The following STK25 variants were observed in gnomAD, a reference collection of about 807,000 sequenced individuals.
STK25 encodes serine/threonine kinase 25.
A neutral mutation model predicts 53.8 loss-of-function variants in STK25; 29 were observed. That is an observed-to-expected ratio of 0.54 (90% confidence interval 0.40 to 0.74). The LOEUF (loss-of-function observed/expected upper bound fraction) is 0.74, where lower values mean the gene tolerates loss of function less well. Ranked by LOEUF, STK25 falls within the 30% of genes least tolerant of loss-of-function variation. STK25 has a pLI of 0.00. For missense variants in STK25, 420 were observed against 568.0 expected (o/e 0.74, Z 2.65); for synonymous variants, 247 against 238.3 (o/e 1.04, Z -0.33).
intron 2 of STK25, among the ~76,000 whole-genome samples, chr2:241,506,976 G>A (rs1452269322): frequency 6.6e-6 from 1 of 152,148 alleles, no homozygotes; most frequent in African/African-American, 2.4e-5. Flanking sequence ...CGGGTCTCTA[G>A]GCTGGTCCGG....
rs34902004 is a variant in STK25 at position 241,495,387 on chromosome 2, C to T, written c.*275G>A. Reference sequence around the variant, plus strand: ...ACCCAGGCGTAGCTCATGAGGGCCACGCCGGCGGCTGGAGCCCCCGTGAGC... The same window carrying T: ...ACCCAGGCGTAGCTCATGAGGGCCATGCCGGCGGCTGGAGCCCCCGTGAGC... On this transcript the variant is annotated 3_prime_UTR_variant, in exon 12 of 12. Coordinates refer to ENST00000316586, the MANE Select transcript of STK25 (RefSeq NM_001271977.2). The T allele has an allele frequency of 2.8e-5, 13 of 470,180 alleles. No homozygotes were observed. Among genetic ancestry groups the T allele is most frequent in the Non-Finnish European group, 4.6e-5 (12 of 258,560 alleles). 29.1% of individuals were successfully genotyped at this position (470,180 alleles called of 1,614,324 possible).
At chr2:241,500,845 A>C (rs777210252) in intron 3 of STK25, 49 bp from the exon 4 acceptor site, 2 of 1,598,766 alleles carry the variant, frequency 1.3e-6, no homozygotes. Flanking sequence ...GAGGAAGGGC[A>C]TGCTCCAGGG....
chr2:241,508,601 G>A (rs1303912677), upstream of STK25: 2 of 987,782 alleles, frequency 2.0e-6, no homozygotes, highest in East Asian at 1.1e-4. Flanking sequence ...GCGACGGCGA[G>A]GGCGGTGCTC....
rs3771589 is a variant in STK25 at position 241,496,897 on chromosome 2, G to A, written c.1105-363C>T. On this transcript the variant is annotated intron_variant, in intron 10 of 11. Transcript: ENST00000316586. This position sits in a 1 kb window ranked among gnomAD's most constrained non-coding sequence, Gnocchi z 5.8. The stretch of plus-strand genomic sequence containing the variant: ...AAGCCCAGAAACCCCCAAAGCACAC[G>A]GCACCGCCAGGCCCAGATCTGACCT... Among the ~76,000 whole-genome samples, 3 of 152,296 alleles carry A rather than the reference G, an allele frequency of 2.0e-5. No individual in the cohort carries two copies. The highest frequency in any genetic ancestry group is 3.9e-4 in the East Asian group (2 of 5,180).
At chr2:241,506,381 C>A (rs185956874) in intron 2 of STK25, among the ~76,000 whole-genome samples, 1 of 152,252 alleles carries the variant, frequency 6.6e-6, no homozygotes, top group Non-Finnish European at 1.5e-5. Context: ...TGTGTGCGAT[C>A]GCACCAAGAA....
Position 241,499,185 on chromosome 2 carries a change from C to A in STK25, c.586-11G>T. The A allele has an allele frequency of 1.2e-6, 2 of 1,613,820 alleles. No homozygotes were observed. On this transcript the variant is annotated splice_polypyrimidine_tract_variant and intron_variant, in intron 6 of 11. Coordinates refer to ENST00000316586, the MANE Select transcript of STK25 (RefSeq NM_001271977.2). The stretch of plus-strand genomic sequence containing the variant: ...GGACCAGATGTCAGCCTGGACAGAA[C>A]ACAAGGACTGTTGCTGCCCTGAGCA...
In STK25 at chr2:241,492,695, G is replaced by A. The variant is rs2124922658; in HGVS notation, c.*2967C>T. On this transcript the variant is annotated 3_prime_UTR_variant, in exon 12 of 12. Transcript: ENST00000316586. ...TTGGTTACTGAACACTGACTTTATT[G>A]TGCACAGGGAAAGGGAACTCACTTT... 2.0e-6 allele frequency: 1 copy of A among 488,552 alleles called. No individual in the cohort carries two copies. Among genetic ancestry groups the A allele is most frequent in the South Asian group, 2.9e-5 (1 of 34,292 alleles). The allele number at this position is 488,552 out of a possible 1,614,324, so 30.3% of individuals were successfully genotyped here.
rs2065510208 is a variant in STK25 at position 241,501,508 on chromosome 2, G to A, written c.231C>T (p.Tyr77=). The A allele has an allele frequency of 6.2e-7, 1 of 1,614,108 alleles. No homozygotes were observed. The highest frequency in any genetic ancestry group is 8.5e-7 in the Non-Finnish European group (1 of 1,180,032). ...GGTAGGAGCCAAAGTAGCGGGTGAT[G>A]TAGGGGCTGTCGCACTGACTGAGGA... ...ITVLSQCDSP[Y]ITRYFGSYLK... Residue 77 remains tyrosine (Y), a synonymous_variant, in exon 3 of 12, where the codon TAC becomes TAT. Transcript: ENST00000316586. This position sits in a 1 kb window ranked among gnomAD's most constrained non-coding sequence, Gnocchi z 5.3.
Position 241,493,776 on chromosome 2 carries a change from T to C in STK25, c.*1886A>G, listed in dbSNP as rs1475401985. On this transcript the variant is annotated 3_prime_UTR_variant, in exon 12 of 12. Transcript: ENST00000316586. ...GCCGCCTGGCTAATTTTTGTATTTT[T>C]AGTAGAGACAGGGTTTCACCATGTT... The C allele has an allele frequency of 4.2e-6, 2 of 477,470 alleles. No individual in the cohort carries two copies. Among genetic ancestry groups the C allele is most frequent in the African/African-American group, 2.0e-5 (1 of 51,012 alleles). 29.6% of individuals were successfully genotyped at this position (477,470 alleles called of 1,614,324 possible).
chr2:241,501,779 C>A lies in STK25; in HGVS notation c.31-71G>T. On this transcript the variant is annotated intron_variant, in intron 2 of 11. Transcript: ENST00000316586. This position sits in a 1 kb window ranked among gnomAD's most constrained non-coding sequence, Gnocchi z 5.3. The stretch of plus-strand genomic sequence containing the variant: ...AGAGGCGGGGGACAGGCAGAGGCTG[C>A]CCTGCTGGGGAGGAAGGGACCTGTA... 8.1e-7 allele frequency: 1 copy of A among 1,230,202 alleles called. No homozygotes were observed. The highest frequency in any genetic ancestry group is 1.2e-6 in the Non-Finnish European group (1 of 856,708). The allele number at this position is 1,230,202 out of a possible 1,614,324, so 76.2% of individuals were successfully genotyped here.
At chr2:241,505,709 C>T (rs2065781722) in intron 2 of STK25, among the ~76,000 whole-genome samples, 2 of 152,194 alleles carry the variant, frequency 1.3e-5, no homozygotes, top group Non-Finnish European at 2.9e-5. Flanking sequence ...AGCCAGGGCT[C>T]ATCAGCCCAA....
chr2:241,493,794 A>C lies in STK25; in HGVS notation c.*1868T>G. 2 of 492,790 alleles carry C rather than the reference A, an allele frequency of 4.1e-6. No homozygotes were observed. Among genetic ancestry groups the C allele is most frequent in the Non-Finnish European group, 7.2e-6 (2 of 276,322 alleles). The allele number at this position is 492,790 out of a possible 1,614,324, so 30.5% of individuals were successfully genotyped here. The stretch of plus-strand genomic sequence containing the variant: ...GTATTTTTAGTAGAGACAGGGTTTC[A>C]CCATGTTGGCCAGGCTGGTCTCGAA... On this transcript the variant is annotated 3_prime_UTR_variant, in exon 12 of 12. Transcript: ENST00000316586.
chr2:241,498,477 A>T, intron 8 of STK25, 128 bp from the exon 9 acceptor site: 2 of 1,238,068 alleles, frequency 1.6e-6, no homozygotes, highest in Non-Finnish European at 2.2e-6. Context: ...CACGGGGTCC[A>T]GCTGATGCCT....
chr2:241,497,146 TC>T, intron 10 of STK25: 1 of 160,056 alleles, frequency 6.2e-6, no homozygotes, highest in Non-Finnish European at 1.4e-5. Flanking sequence ...CCATCCTCCC[TC>T]CCCAGGCTCC....
intron 2 of STK25, chr2:241,502,114 A>AG: frequency 1.6e-5 from 3 of 190,510 alleles, no homozygotes; most frequent in Non-Finnish European, 3.3e-5. Flanking sequence ...CAGTGAGCCA[A>AG]GACCGCACCA....
Position 241,499,011 on chromosome 2 carries a change from C to T in STK25, c.749G>A (p.Cys250Tyr). The T allele has an allele frequency of 6.2e-7, 1 of 1,613,972 alleles. No individual in the cohort carries two copies. The highest frequency in any genetic ancestry group is 8.5e-7 in the Non-Finnish European group (1 of 1,179,962). Reference protein sequence around the residue: ...SKPFKEFVEACLNKDPRFRPT... With the variant: ...SKPFKEFVEAYLNKDPRFRPT... ...TACGAATCGGGGGTCTTTGTTGAGG[C>T]AGGCCTCCACGAACTCCTTGAAGGG... Residue 250 changes from cysteine (C) to tyrosine (Y), a missense_variant, in exon 7 of 12, where the codon TGC becomes TAC. Physicochemically the swap from Cys to Tyr is radical, Grantham distance 194. Coordinates refer to ENST00000316586, the MANE Select transcript of STK25 (RefSeq NM_001271977.2).
upstream of STK25, chr2:241,509,302 G>C (rs938050171): frequency 6.6e-6 from 1 of 152,394 alleles, no homozygotes; most frequent in Non-Finnish European, 1.5e-5. Context: ...ACGCGCCCAG[G>C]ACAGTGACTG....
Position 241,496,117 on chromosome 2 carries a change from C to T in STK25, c.1241+281G>A, listed in dbSNP as rs1168107961. On this transcript the variant is annotated intron_variant, in intron 11 of 11. Coordinates refer to ENST00000316586, the MANE Select transcript of STK25 (RefSeq NM_001271977.2). This position sits in a 1 kb window ranked among gnomAD's most constrained non-coding sequence, Gnocchi z 5.8. Reference sequence around the variant, plus strand: ...CACCAGGTGGAGGGGCAGAGGCCAGCTGAGGACAGCCATGTGGCCACTGAG... The same window carrying T: ...CACCAGGTGGAGGGGCAGAGGCCAGTTGAGGACAGCCATGTGGCCACTGAG... Among the ~76,000 whole-genome samples the T allele has an allele frequency of 6.6e-6, 1 of 152,144 alleles. No homozygotes were observed. Among genetic ancestry groups the T allele is most frequent in the East Asian group, 1.9e-4 (1 of 5,184 alleles).
chr2:241,505,529 T>C (rs1219125558), intron 2 of STK25, among the ~76,000 whole-genome samples: 1 of 152,078 alleles, frequency 6.6e-6, no homozygotes, highest in Admixed American at 6.6e-5. Context: ...GGATGACGCG[T>C]CCTCCCGCCC....
Sources: gnomAD v4.1 joint callset for allele counts (sites outside exome capture counted in the v4.1 genomes callset) on GRCh38, gnomAD v4.1.1 for gene constraint, Gnocchi (gnomAD v3.1) non-coding constraint, MANE v1.5 for transcripts, NCBI Gene and HGNC (gene_info 2026-07-23, HGNC 2026-07-21) for gene names.